Variants in TYR observed in about 807,000 individuals in gnomAD.
TYR encodes the protein tyrosinase.
TYR carries 58 observed loss-of-function variants against 51.5 expected under a neutral mutation model. The observed-to-expected ratio is 1.13, with a 90% CI of 0.91 to 1.40. TYR has a LOEUF of 1.40. Ranked by LOEUF, TYR falls within the 40% of genes most tolerant of loss-of-function variation. The pLI is 0.00. For synonymous variants in TYR, 263 were observed against 235.2 expected, an observed-to-expected ratio of 1.12 and a Z score of -1.08; for missense variants, 732 against 647.4, an observed-to-expected ratio of 1.13 and a Z score of -1.42.
At chr11:89,269,737 T>C (rs1420344580) in intron 3 of TYR, among the ~76,000 whole-genome samples, 1 of 151,982 alleles carries the variant, frequency 6.6e-6, no homozygotes, top group African/African-American at 2.4e-5. Context: ...GATTTTCATT[T>C]GAAGCTATTT....
At chr11:89,246,166 A>G (rs36055732) in intron 3 of TYR, among the ~76,000 whole-genome samples, 68,029 of 151,248 alleles carry the variant, frequency 0.45, 15,993 homozygotes, top group African/African-American at 0.6. Context: ...CACCACTAAA[A>G]CTCACAGTCT....
intron 3 of TYR, among the ~76,000 whole-genome samples, chr11:89,250,594 T>C (rs1231425193): frequency 6.6e-6 from 1 of 151,904 alleles, no homozygotes; most frequent in Non-Finnish European, 1.5e-5. Flanking sequence ...AAATCCAAGA[T>C]CAAGGTGTCT....
At chr11:89,235,692 G>A (rs114478709) in intron 3 of TYR, among the ~76,000 whole-genome samples, 3,120 of 151,988 alleles carry the variant, frequency 0.021, 100 homozygotes, top group African/African-American at 0.07. Context: ...GGGATGAATA[G>A]GGTCAATGAA....
intron 1 of TYR, among the ~76,000 whole-genome samples, chr11:89,186,911 C>T (rs72963125): frequency 0.07 from 10,581 of 152,170 alleles, 423 homozygotes; most frequent in African/African-American, 0.1. Context: ...CGTAGAGAAA[C>T]GGCAATGTGA....
chr11:89,286,904 T>C (rs537400064), intron 4 of TYR, among the ~76,000 whole-genome samples: 1 of 151,830 alleles, frequency 6.6e-6, no homozygotes, highest in African/African-American at 2.4e-5. Context: ...TTTTCAAAGA[T>C]TTTCCATTTA....
chr11:89,191,295 GAC>G lies in TYR; in HGVS notation c.915_916del (p.Asp305GlufsTer12). ...GPLRRNPGNH[D>X]KSRTPRLPSS... ...TTTACGGCGTAATCCTGGAAACCAT[GAC>G]AAATCCAGAACCCCAAGGCTCCCCT... is the stretch of plus-strand genomic sequence containing the variant. On this transcript the variant is annotated frameshift_variant, in exon 2 of 5. Transcript: ENST00000263321. LOFTEE classifies it high-confidence loss of function. The G allele has an allele frequency of 6.2e-7, 1 of 1,613,642 alleles. No homozygotes were observed. The highest frequency in any genetic ancestry group is 8.5e-7 in the Non-Finnish European group (1 of 1,179,776).
At chr11:89,182,765 C>T (rs930075058) in intron 1 of TYR, among the ~76,000 whole-genome samples, 3 of 151,880 alleles carry the variant, frequency 2.0e-5, no homozygotes, top group Non-Finnish European at 4.4e-5. Context: ...TACAAACTAC[C>T]CATGCTCAAT....
chr11:89,252,914 T>A (rs1272667434), intron 3 of TYR, among the ~76,000 whole-genome samples: 3 of 151,788 alleles, frequency 2.0e-5, no homozygotes, highest in Non-Finnish European at 4.4e-5. Context: ...GTTTTTAAAA[T>A]AAATAAATAG....
At chr11:89,260,214 C>T (rs968731941) in intron 3 of TYR, among the ~76,000 whole-genome samples, 35 of 150,500 alleles carry the variant, frequency 2.3e-4, no homozygotes, top group African/African-American at 8.3e-4. Flanking sequence ...TGAACTTCTA[C>T]TTCCATTGAG....
chr11:89,186,671 G>A lies in TYR; in HGVS notation c.820-4531G>A, dbSNP rs115494932. Among the ~76,000 whole-genome samples the A allele has an allele frequency of 4.5e-3, 684 of 152,240 alleles. 7 individuals carry two copies. Among genetic ancestry groups the A allele is most frequent in the African/African-American group, 0.016 (653 of 41,546 alleles). ...ACCGAGGCTGGCTGCACCTTAGCAC[G>A]GTGCACAGGTGATTACATATAGACC... On this transcript the variant is annotated intron_variant, in intron 1 of 4. Transcript: ENST00000263321.
Position 89,278,027 on chromosome 11 carries a change from C to G in TYR, c.1185-6746C>G, listed in dbSNP as rs1168342855. 2.6e-5 allele frequency among the ~76,000 whole-genome samples: 4 copies of G among 151,820 alleles called. No homozygotes were observed. In the East Asian group the frequency reaches 7.8e-4, roughly 30 times the overall value. ...TCATGATTTGGCCTCAGTTCACCTTCCTAGCCTCATCTGGAGCTATTTGCT... is the reference window on the plus strand; with the variant it reads ...TCATGATTTGGCCTCAGTTCACCTTGCTAGCCTCATCTGGAGCTATTTGCT... On this transcript the variant is annotated intron_variant, in intron 3 of 4. Coordinates refer to ENST00000263321, the MANE Select transcript of TYR (RefSeq NM_000372.5).
intron 3 of TYR, among the ~76,000 whole-genome samples, chr11:89,270,359 G>A (rs1944573966): frequency 6.6e-6 from 1 of 151,854 alleles, no homozygotes; most frequent in Non-Finnish European, 1.5e-5. Flanking sequence ...CCTCATCCAA[G>A]TGGATACTAA....
chr11:89,261,104 G>A (rs1191146379), intron 3 of TYR, among the ~76,000 whole-genome samples: 4 of 152,070 alleles, frequency 2.6e-5, no homozygotes, highest in African/African-American at 9.7e-5. Context: ...AAAAGGTTGG[G>A]AACAGCTAGG....
chr11:89,236,444 A>T (rs1001915356), intron 3 of TYR, among the ~76,000 whole-genome samples: 1 of 152,196 alleles, frequency 6.6e-6, no homozygotes, highest in African/African-American at 2.4e-5. Flanking sequence ...TTCTCTATTA[A>T]TTCTATTTTA....
At chr11:89,183,851 T>C (rs1943332677) in intron 1 of TYR, among the ~76,000 whole-genome samples, 1 of 152,164 alleles carries the variant, frequency 6.6e-6, no homozygotes, top group Non-Finnish European at 1.5e-5. Flanking sequence ...TTTTCAAAAA[T>C]AATTATGATA....
intron 3 of TYR, among the ~76,000 whole-genome samples, chr11:89,239,964 T>C (rs1268426708): frequency 1.3e-5 from 2 of 152,232 alleles, no homozygotes; most frequent in Non-Finnish European, 2.9e-5. Flanking sequence ...CCATATGATC[T>C]ATCCTTATGA....
At chr11:89,191,098 CAGG>C in intron 1 of TYR, 101 bp from the exon 2 acceptor site, 6 of 991,290 alleles carry the variant, frequency 6.1e-6, no homozygotes, top group Non-Finnish European at 9.6e-6. Context: ...GTAATCTCCT[CAGG>C]AGAAGTCTAA....
At chr11:89,257,986 TA>T (rs1565415048) in intron 3 of TYR, among the ~76,000 whole-genome samples, 1 of 151,974 alleles carries the variant, frequency 6.6e-6, no homozygotes, top group African/African-American at 2.4e-5. Flanking sequence ...TGGATTTTTT[TA>T]AAAAAATCAT....
intron 2 of TYR, among the ~76,000 whole-genome samples, chr11:89,208,037 G>A (rs533906798): frequency 1.5e-3 from 225 of 152,284 alleles, no homozygotes; most frequent in Non-Finnish European, 2.1e-3. Context: ...GGGAGGCCAA[G>A]GCGGGGGGAT....
Sources: gnomAD v4.1 joint callset for allele counts (sites outside exome capture counted in the v4.1 genomes callset) on GRCh38, gnomAD v4.1.1 for gene constraint, MANE v1.5 for transcripts, NCBI Gene and HGNC (gene_info 2026-07-23, HGNC 2026-07-21) for gene names.